GABBR2: variants seen among roughly 807,000 people sequenced by gnomAD.
The protein encoded by GABBR2 is G-protein coupled receptor 51.
GABBR2 carries 23 observed loss-of-function variants against 105.6 expected under a neutral mutation model. The ratio of observed to expected loss-of-function variants is 0.22; its 90% CI spans 0.16 to 0.31. The LOEUF is 0.31. Ranked by LOEUF, GABBR2 falls within the 10% of genes least tolerant of loss-of-function variation. GABBR2 has a pLI of 1.00. For missense variants in GABBR2, 734 were observed against 1,245.5 expected (o/e 0.59, Z 6.18); for synonymous variants, 478 against 499.7 (o/e 0.96, Z 0.58).
intron 13 of GABBR2, among the ~76,000 whole-genome samples, chr9:98,349,598 C>T (rs1831362358): frequency 6.6e-6 from 1 of 151,990 alleles, no homozygotes; most frequent in African/African-American, 2.4e-5. Flanking sequence ...TCGTGATCCG[C>T]CTTCCCTGGC....
At chr9:98,590,977 C>T (rs1488497792) in intron 1 of GABBR2, among the ~76,000 whole-genome samples, 1 of 152,154 alleles carries the variant, frequency 6.6e-6, no homozygotes, top group Non-Finnish European at 1.5e-5. Flanking sequence ...ATGGTAGATG[C>T]TGAAGACGCA....
Position 98,587,584 on chromosome 9 carries a change from A to G in GABBR2, c.322-9512T>C, listed in dbSNP as rs1483901443. The stretch of plus-strand genomic sequence containing the variant: ...GTGAGAGCCAGACCCATTTAACATG[A>G]AACAACTGGCAATGTGAAGATAATA... On this transcript the variant is annotated intron_variant, in intron 1 of 18. Transcript: ENST00000259455. 3.9e-5 allele frequency among the ~76,000 whole-genome samples: 6 copies of G among 152,346 alleles called. No homozygotes were observed. The East Asian group carries it at 1.2e-3, about 29-fold the overall frequency.
chr9:98,320,338 G>T (rs1345259728), intron 13 of GABBR2, among the ~76,000 whole-genome samples: 1 of 151,808 alleles, frequency 6.6e-6, no homozygotes, highest in Non-Finnish European at 1.5e-5. Context: ...ACAGGTGCTG[G>T]AGAGGATGTG....
At chr9:98,616,519 C>T (rs1564131777) in intron 1 of GABBR2, among the ~76,000 whole-genome samples, 1 of 152,126 alleles carries the variant, frequency 6.6e-6, no homozygotes, top group South Asian at 2.1e-4. Flanking sequence ...TTTGGGAGGC[C>T]GAGGTAGGCA....
chr9:98,513,481 G>T (rs1588205879), intron 3 of GABBR2, among the ~76,000 whole-genome samples: 11 of 151,654 alleles, frequency 7.3e-5, no homozygotes, highest in Admixed American at 1.3e-4. Context: ...CCTACAGAAT[G>T]GGAGAAAATT....
At chr9:98,448,059 G>T in intron 7 of GABBR2, among the ~76,000 whole-genome samples, 1 of 151,958 alleles carries the variant, frequency 6.6e-6, no homozygotes, top group Admixed American at 6.6e-5. Context: ...TGAACCTAAG[G>T]GTGCCAGCCT....
At chr9:98,570,896 C>G (rs1450019829) in intron 2 of GABBR2, among the ~76,000 whole-genome samples, 2 of 152,206 alleles carry the variant, frequency 1.3e-5, no homozygotes, top group African/African-American at 4.8e-5. Flanking sequence ...ACTCTGATGA[C>G]GTGCCCTTGG....
At chr9:98,394,847 A>T (rs943668408) in intron 8 of GABBR2, among the ~76,000 whole-genome samples, 2 of 152,130 alleles carry the variant, frequency 1.3e-5, no homozygotes, top group African/African-American at 4.8e-5. Context: ...GTCAGCAGCA[A>T]GTAGAGGCCA....
intron 1 of GABBR2, among the ~76,000 whole-genome samples, chr9:98,621,298 AC>A (rs1388269475): frequency 1.3e-5 from 2 of 152,170 alleles, no homozygotes; most frequent in Admixed American, 6.5e-5. Flanking sequence ...CAGGGGCACC[AC>A]TGCCATCCCA....
At chr9:98,316,805 C>A (rs1459498928) in intron 13 of GABBR2, among the ~76,000 whole-genome samples, 1 of 152,160 alleles carries the variant, frequency 6.6e-6, no homozygotes, top group Non-Finnish European at 1.5e-5. Flanking sequence ...AAAAATCCAA[C>A]AAGGTGTTAT....
chr9:98,548,145 T>C (rs1413126902), intron 2 of GABBR2, among the ~76,000 whole-genome samples: 1 of 120,176 alleles, frequency 8.3e-6, no homozygotes, highest in Non-Finnish European at 1.8e-5. Context: ...TTTGAAGTAC[T>C]TTTTCAAAGG....
chr9:98,683,585 C>T (rs1177429871), intron 1 of GABBR2, among the ~76,000 whole-genome samples: 2 of 152,140 alleles, frequency 1.3e-5, no homozygotes, highest in African/African-American at 4.8e-5. Context: ...TCTGGCCCAG[C>T]CAATGCTAGA....
intron 13 of GABBR2, among the ~76,000 whole-genome samples, chr9:98,317,026 G>A (rs906109625): frequency 4.6e-5 from 7 of 152,180 alleles, no homozygotes; most frequent in African/African-American, 9.7e-5. Context: ...GGGTGTAACC[G>A]GCTCTATAAA....
In GABBR2 at chr9:98,561,400, TTGGAGGAATGGCTGGAA is replaced by T. The variant is rs1828672460; in HGVS notation, c.459+16518_459+16534del. ...TCCTACCAGGAAGAATCAGGGCTCCTTGGAGGAATGGCTGGAATGGAGGAATGGAGGAATGGCTGATT... is the reference window on the plus strand; with the variant it reads ...TCCTACCAGGAAGAATCAGGGCTCCTTGGAGGAATGGAGGAATGGCTGATT... On this transcript the variant is annotated intron_variant, in intron 2 of 18. Coordinates refer to ENST00000259455, the MANE Select transcript of GABBR2 (RefSeq NM_005458.8). 5.9e-5 allele frequency among the ~76,000 whole-genome samples: 9 copies of T among 152,122 alleles called. No homozygotes were observed. The South Asian group carries it at 1.9e-3, about 32-fold the overall frequency.
chr9:98,537,980 C>A (rs1244745147), intron 3 of GABBR2, among the ~76,000 whole-genome samples: 1 of 152,200 alleles, frequency 6.6e-6, no homozygotes, highest in Non-Finnish European at 1.5e-5. Context: ...TCATTGATCT[C>A]TGGTCCTCCA....
intron 3 of GABBR2, among the ~76,000 whole-genome samples, chr9:98,521,664 T>C (rs1827868737): frequency 6.6e-6 from 1 of 152,150 alleles, no homozygotes; most frequent in African/African-American, 2.4e-5. Context: ...CACCACCAAA[T>C]GGTTTCCTAA....
At position 98,371,236 on chromosome 9, in the gene GABBR2, C is replaced by T. The variant is rs567931; in HGVS notation, c.1770+228G>A. Among the ~76,000 whole-genome samples, 58,321 of 151,946 alleles carry T rather than the reference C, an allele frequency of 0.38. 13,122 individuals carry two copies. The highest frequency in any genetic ancestry group is 0.63 in the African/African-American group (25,949 of 41,406). ...TCCATGAAGCCTCCCTTGAGTGTTTCGTACCCCAGCACCCCCCACATGTCC... is the reference window on the plus strand; with the variant it reads ...TCCATGAAGCCTCCCTTGAGTGTTTTGTACCCCAGCACCCCCCACATGTCC... On this transcript the variant is annotated intron_variant, in intron 12 of 18. Transcript: ENST00000259455.
intron 18 of GABBR2, 103 bp downstream of exon 18, chr9:98,293,682 C>T: frequency 4.5e-6 from 3 of 670,910 alleles, no homozygotes. Flanking sequence ...CTGTGGAAAG[C>T]AAATAAAATA....
chr9:98,632,231 T>C (rs1238908337), intron 1 of GABBR2, among the ~76,000 whole-genome samples: 4 of 152,350 alleles, frequency 2.6e-5, no homozygotes, highest in Non-Finnish European at 5.9e-5. Context: ...TGTGTGACTT[T>C]AGGCAAGCTC....
Sources: allele counts gnomAD v4.1 joint callset (sites outside exome capture counted in the v4.1 genomes callset), GRCh38; gene constraint gnomAD v4.1.1; transcripts MANE v1.5; gene names NCBI Gene and HGNC (gene_info 2026-07-23, HGNC 2026-07-21).